Variants in SAMD3 observed in about 807,000 individuals in gnomAD.
The protein encoded by SAMD3 is sterile alpha motif domain containing 3, also known as sterile alpha motif domain-containing protein 3.
In SAMD3, 63 loss-of-function variants were observed where a neutral mutation model predicts 58.5. The ratio of observed to expected loss-of-function variants is 1.08; its 90% confidence interval spans 0.88 to 1.33. The LOEUF (loss-of-function observed/expected upper bound fraction) is 1.33, where lower values mean the gene tolerates loss of function less well. SAMD3 is among the 40% of genes most tolerant of loss of function. The pLI is 0.00. For synonymous variants in SAMD3, 220 were observed against 210.3 expected (o/e 1.05, Z -0.40); for missense variants, 604 against 608.4 (o/e 0.99, Z 0.08).
intron 5 of SAMD3, among the ~76,000 whole-genome samples, chr6:130,198,064 C>T (rs1288069382): frequency 6.6e-6 from 1 of 152,284 alleles, no homozygotes; most frequent in East Asian, 1.9e-4. Flanking sequence ...AACAACACCC[C>T]TTTTTCCTTT....
chr6:130,297,576 T>C (rs78657870), intron 2 of SAMD3, among the ~76,000 whole-genome samples: 2 of 152,078 alleles, frequency 1.3e-5, no homozygotes, highest in African/African-American at 2.4e-5. Flanking sequence ...GAATTCAAAA[T>C]ATAAATTGCA....
intron 5 of SAMD3, among the ~76,000 whole-genome samples, chr6:130,192,163 G>A (rs778086992): frequency 2.6e-5 from 4 of 152,180 alleles, no homozygotes; most frequent in Non-Finnish European, 4.4e-5. Flanking sequence ...CGTCCTTGTT[G>A]AATGAAATAG....
chr6:130,188,116 A>G (rs1042423127), intron 5 of SAMD3, among the ~76,000 whole-genome samples: 14 of 152,216 alleles, frequency 9.2e-5, no homozygotes, highest in Non-Finnish European at 1.9e-4. Context: ...ATTTTCATAA[A>G]AAAGCTAACT....
At position 130,154,805 on chromosome 6, in the gene SAMD3, T is replaced by C. The variant is rs200716385; in HGVS notation, c.1023+20A>G. The C allele has an allele frequency of 6.0e-5, 88 of 1,460,510 alleles. No individual in the cohort carries two copies. The East Asian group carries it at 2.0e-3, about 33-fold the overall frequency. The allele number at this position is 1,460,510 out of a possible 1,614,324, so 90.5% of individuals were successfully genotyped here. ...ATATACATATATATGTGTGTGTATA[T>C]ATATATAGAATAAAGATACCTGATA... On this transcript the variant is annotated intron_variant, in intron 9 of 11. Transcript: ENST00000439090.
At chr6:130,191,952 C>T (rs1048598091) in intron 5 of SAMD3, among the ~76,000 whole-genome samples, 6 of 152,206 alleles carry the variant, frequency 3.9e-5, no homozygotes, top group African/African-American at 1.4e-4. Flanking sequence ...TTAGCAGTTT[C>T]TTCGCTTACT....
At chr6:130,343,342 A>C (rs918679100) in intron 1 of SAMD3, among the ~76,000 whole-genome samples, 1 of 152,154 alleles carries the variant, frequency 6.6e-6, no homozygotes, top group Non-Finnish European at 1.5e-5. Context: ...GGGCTTTGAC[A>C]CACACTTCAT....
At chr6:130,333,482 C>G (rs1777005607) in intron 1 of SAMD3, among the ~76,000 whole-genome samples, 1 of 152,120 alleles carries the variant, frequency 6.6e-6, no homozygotes, top group African/African-American at 2.4e-5. Context: ...CACATCATAA[C>G]CCTTTTCTGA....
intron 2 of SAMD3, among the ~76,000 whole-genome samples, chr6:130,282,356 T>C (rs2114952016): frequency 7.5e-6 from 1 of 134,158 alleles, no homozygotes. Context: ...GAAATACATG[T>C]TATATATATT....
intron 1 of SAMD3, among the ~76,000 whole-genome samples, chr6:130,353,986 A>G (rs1423639957): frequency 2.6e-5 from 4 of 152,196 alleles, no homozygotes; most frequent in Non-Finnish European, 5.9e-5. Context: ...GAAAAAAACA[A>G]ACAACCCCAT....
Position 130,184,111 on chromosome 6 carries a change from A to T in SAMD3, c.646T>A (p.Cys216Ser), listed in dbSNP as rs767559988. The change falls in exon 7 of 12, where the codon TGT (cysteine) becomes AGT (serine). Residue 216 changes from cysteine to serine, a missense_variant. Transcript: ENST00000439090. ...QAHPFLDEDG[C>S]GFFLWKRALK... ...GCCATGTGGTCACTTACGAAGCCACAGCCATCCTCATCCAGGAAAGGGTGG... is the reference window on the plus strand; with the variant it reads ...GCCATGTGGTCACTTACGAAGCCACTGCCATCCTCATCCAGGAAAGGGTGG... 1 of 1,613,678 alleles carries T rather than the reference A, an allele frequency of 6.2e-7. No individual in the cohort carries two copies. The highest frequency in any genetic ancestry group is 1.7e-5 in the Admixed American group (1 of 60,026).
At chr6:130,182,675 G>A (rs1792479994) in intron 7 of SAMD3, among the ~76,000 whole-genome samples, 1 of 151,564 alleles carries the variant, frequency 6.6e-6, no homozygotes, top group African/African-American at 2.4e-5. Context: ...AGGATGGAAG[G>A]AAAGGAGGAA....
chr6:130,253,129 A>AG (rs1427341530), intron 2 of SAMD3, among the ~76,000 whole-genome samples: 1 of 152,218 alleles, frequency 6.6e-6, no homozygotes, highest in African/African-American at 2.4e-5. Flanking sequence ...ATTGCGCAGG[A>AG]GATGCAGTGT....
At chr6:130,257,850 C>T (rs115660302) in intron 2 of SAMD3, among the ~76,000 whole-genome samples, 2,108 of 152,196 alleles carry the variant, frequency 0.014, 48 homozygotes, top group African/African-American at 0.048. Context: ...CCTGCTGGTA[C>T]TCTGAAGGTA....
chr6:130,149,659 A>G (rs2114558427), intron 9 of SAMD3, among the ~76,000 whole-genome samples: 1 of 152,246 alleles, frequency 6.6e-6, no homozygotes, highest in East Asian at 1.9e-4. Flanking sequence ...GGAGCTAACC[A>G]CTGAGTACAC....
intron 2 of SAMD3, 115 bp from the exon 3 acceptor site, chr6:130,215,409 G>T: frequency 8.2e-7 from 1 of 1,222,280 alleles, no homozygotes; most frequent in Non-Finnish European, 1.0e-6. Flanking sequence ...TCAATGTTAA[G>T]CTTTTTTAAA....
At chr6:130,363,435 G>A (rs1050637749) in intron 1 of SAMD3, among the ~76,000 whole-genome samples, 5 of 152,118 alleles carry the variant, frequency 3.3e-5, no homozygotes, top group Admixed American at 2.0e-4. Context: ...GAGTGAAAAT[G>A]TTGATCTTCA....
At chr6:130,196,018 G>C (rs937282133) in intron 5 of SAMD3, among the ~76,000 whole-genome samples, 2 of 152,208 alleles carry the variant, frequency 1.3e-5, no homozygotes. Context: ...GCCCACAACC[G>C]AGCTCTCCCT....
chr6:130,189,951 C>CT (rs1214541099), intron 5 of SAMD3, among the ~76,000 whole-genome samples: 1 of 152,156 alleles, frequency 6.6e-6, no homozygotes, highest in Non-Finnish European at 1.5e-5. Flanking sequence ...TGCCAAAACT[C>CT]TAATAGAAAA....
intron 1 of SAMD3, among the ~76,000 whole-genome samples, chr6:130,324,772 A>T (rs1166109002): frequency 2.7e-5 from 4 of 147,680 alleles, no homozygotes; most frequent in East Asian, 2.0e-4. Context: ...TTTGGAGAAC[A>T]TTTTTTTTTT....
Sources: gnomAD v4.1 joint callset for allele counts (sites outside exome capture counted in the v4.1 genomes callset) on GRCh38, gnomAD v4.1.1 for gene constraint, MANE v1.5 for transcripts, NCBI Gene and HGNC (gene_info 2026-07-23, HGNC 2026-07-21) for gene names.